PROKR1: variants seen among roughly 807,000 people sequenced by gnomAD.
The protein encoded by PROKR1 is prokineticin receptor 1.
A neutral mutation model predicts 22.8 loss-of-function variants in PROKR1; 21 were observed. The ratio of observed to expected loss-of-function variants is 0.92; its 90% CI spans 0.65 to 1.32. PROKR1 has a LOEUF of 1.32. Ranked by LOEUF, PROKR1 falls within the 40% of genes most tolerant of loss-of-function variation. The probability of loss-of-function intolerance (pLI) is 0.00; values close to 1 mark genes in which losing one functional copy is unlikely to be tolerated. For missense variants in PROKR1, 548 were observed against 514.2 expected, an observed-to-expected ratio of 1.07 and a Z score of -0.64; for synonymous variants, 193 against 207.5, an observed-to-expected ratio of 0.93 and a Z score of 0.60.
Position 68,646,417 on chromosome 2 carries a change from CT to C in PROKR1, c.485+112del, listed in dbSNP as rs1040196373. On this transcript the variant is annotated intron_variant, in intron 2 of 2. Coordinates refer to ENST00000303786, the MANE Select transcript of PROKR1 (RefSeq NM_138964.4). The stretch of plus-strand genomic sequence containing the variant: ...TTGATGAGAGGTGTCTCTATTCCCC[CT>C]AGATGTGGTTGCATGGGGGACTCAA... 85 of 1,478,756 alleles carry C rather than the reference CT, an allele frequency of 5.7e-5. No individual in the cohort carries two copies. The African/African-American group carries it at 1.0e-3, about 18-fold the overall frequency. The allele number at this position is 1,478,756 out of a possible 1,614,324, so 91.6% of individuals were successfully genotyped here. A position where few individuals can be genotyped will look rare whatever the true frequency, so the allele number is the denominator to read the frequency against.
rs781487823 is a variant in PROKR1 at position 68,655,559 on chromosome 2, T to C, written c.1165T>C (p.Cys389Arg). Reference protein sequence around the residue: ...IGMPATEEVDCIRLK With the variant: ...IGMPATEEVDRIRLK ...GATGCCTGCCACCGAAGAGGTGGAC[T>C]GCATCAGACTAAAATAACCCCCTGG... is the stretch of plus-strand genomic sequence containing the variant. Residue 389 changes from cysteine to arginine, a missense_variant, in exon 3 of 3, where the codon TGC becomes CGC. Physicochemically the swap from Cys to Arg is radical, Grantham distance 180. Coordinates refer to ENST00000303786, the MANE Select transcript of PROKR1 (RefSeq NM_138964.4). 4 of 1,614,064 alleles carry C rather than the reference T, an allele frequency of 2.5e-6. No individual in the cohort carries two copies. The highest frequency in any genetic ancestry group is 3.4e-6 in the Non-Finnish European group (4 of 1,179,990).
chr2:68,648,567 T>C (rs901439144), intron 2 of PROKR1, among the ~76,000 whole-genome samples: 18 of 152,200 alleles, frequency 1.2e-4, no homozygotes, highest in African/African-American at 4.3e-4. Flanking sequence ...GATGAATGGC[T>C]GCACCAATGC....
At chr2:68,650,914 G>A (rs1673301694) in intron 2 of PROKR1, among the ~76,000 whole-genome samples, 1 of 152,150 alleles carries the variant, frequency 6.6e-6, no homozygotes, top group African/African-American at 2.4e-5. Flanking sequence ...GTGTGGAAAA[G>A]CCTAGAGGTG....
chr2:68,653,618 A>G (rs913529123), intron 2 of PROKR1, among the ~76,000 whole-genome samples: 1 of 152,056 alleles, frequency 6.6e-6, no homozygotes, highest in Non-Finnish European at 1.5e-5. Context: ...TGACCAGTCA[A>G]TCCCCTCCCA....
In PROKR1 at chr2:68,656,331, G is replaced by A. The variant is rs1351652016; in HGVS notation, c.*755G>A. 1 of 152,818 alleles carries A rather than the reference G, an allele frequency of 6.5e-6. No homozygotes were observed. Among genetic ancestry groups the A allele is most frequent in the Non-Finnish European group, 1.5e-5 (1 of 68,564 alleles). The allele number at this position is 152,818 out of a possible 1,614,324, so 9.5% of individuals were successfully genotyped here. ...GGAAGCCTGGATTCAGGGTAAGCAT[G>A]TCCCCTGGCTCCATGGACTTTTTGC... On this transcript the variant is annotated 3_prime_UTR_variant, in exon 3 of 3. Transcript: ENST00000303786.
chr2:68,652,955 GGAATA>G (rs1187539729), intron 2 of PROKR1, among the ~76,000 whole-genome samples: 1 of 152,192 alleles, frequency 6.6e-6, no homozygotes, highest in Admixed American at 6.5e-5. Flanking sequence ...ATCGGGAAAA[GGAATA>G]GAATTATGTG....
Position 68,656,085 on chromosome 2 carries a change from C to G in PROKR1, c.*509C>G, listed in dbSNP as rs1205179339. 1 of 227,874 alleles carries G rather than the reference C, an allele frequency of 4.4e-6. No individual in the cohort carries two copies. Among genetic ancestry groups the G allele is most frequent in the African/African-American group, 2.3e-5 (1 of 43,234 alleles). 14.1% of individuals were successfully genotyped at this position (227,874 alleles called of 1,614,324 possible). On this transcript the variant is annotated 3_prime_UTR_variant, in exon 3 of 3. Coordinates refer to ENST00000303786, the MANE Select transcript of PROKR1 (RefSeq NM_138964.4). ...CCTCTCATCTTTCATGGCGAGGGGC[C>G]TTGCATGCATGTGCACGGACATCCC...
At chr2:68,653,843 TTGAA>T (rs1276392246) in intron 2 of PROKR1, among the ~76,000 whole-genome samples, 1 of 152,106 alleles carries the variant, frequency 6.6e-6, no homozygotes, top group Non-Finnish European at 1.5e-5. Flanking sequence ...GGGTTTTTTT[TTGAA>T]AGGACAAAAG....
rs769119228 is a variant in PROKR1 at position 68,646,296 on chromosome 2, G to A, written c.475G>A (p.Ala159Thr). Reference protein sequence around the residue: ...YVSTNALLAIAIDRYLAIVHP... With the variant: ...YVSTNALLAITIDRYLAIVHP... ...CTCCACCAATGCCCTGCTGGCCATC[G>A]CCATTGACAGGTGAGTGCAGCAGCA... is the stretch of plus-strand genomic sequence containing the variant. The change falls in exon 2 of 3, where the codon GCC becomes ACC. Residue 159 changes from alanine (A) to threonine (T), a missense_variant. Transcript: ENST00000303786. 20 of 1,614,054 alleles carry A rather than the reference G, an allele frequency of 1.2e-5. No homozygotes were observed. The highest frequency in any genetic ancestry group is 3.3e-5 in the Admixed American group (2 of 60,010).
chr2:68,652,515 A>C (rs1178315943), intron 2 of PROKR1, among the ~76,000 whole-genome samples: 2 of 152,328 alleles, frequency 1.3e-5, no homozygotes, highest in East Asian at 3.9e-4. Context: ...TGACTATCTG[A>C]TAGGTAGTCA....
chr2:68,655,538 C>A lies in PROKR1; in HGVS notation c.1144C>A (p.Pro382Thr). ...ADLDLKTIGM[P>T]ATEEVDCIRL... ...CCTGGACCTCAAGACAATTGGGATG[C>A]CTGCCACCGAAGAGGTGGACTGCAT... The change falls in exon 3 of 3, where the codon CCT becomes ACT. Residue 382 changes from proline to threonine, a missense_variant. Coordinates refer to ENST00000303786, the MANE Select transcript of PROKR1 (RefSeq NM_138964.4). 2.5e-6 allele frequency: 4 copies of A among 1,614,198 alleles called. No individual in the cohort carries two copies. The highest frequency in any genetic ancestry group is 3.4e-6 in the Non-Finnish European group (4 of 1,180,036).
intron 2 of PROKR1, among the ~76,000 whole-genome samples, chr2:68,648,162 C>T (rs185629112): frequency 1.3e-5 from 2 of 152,212 alleles, no homozygotes; most frequent in East Asian, 1.9e-4. Context: ...CCCTACTCCC[C>T]GGATGAGATC....
chr2:68,653,874 T>C (rs1216429764), intron 2 of PROKR1, among the ~76,000 whole-genome samples: 1 of 152,104 alleles, frequency 6.6e-6, no homozygotes, highest in Admixed American at 6.6e-5. Context: ...CTTTTTACTG[T>C]CTGGTGCTTT....
In PROKR1 at chr2:68,654,984, C is replaced by T; in HGVS notation, c.590C>T (p.Ser197Phe). 6.2e-7 allele frequency: 1 copy of T among 1,607,792 alleles called. No individual in the cohort carries two copies. Among genetic ancestry groups the T allele is most frequent in the Non-Finnish European group, 8.5e-7 (1 of 1,177,910 alleles). Residue 197 changes from serine to phenylalanine, a missense_variant, in exon 3 of 3, where the codon TCC becomes TTC. Coordinates refer to ENST00000303786, the MANE Select transcript of PROKR1 (RefSeq NM_138964.4). ...WTVSILIAIP[S>F]AYFTTETVLV... is the part of the protein sequence containing the mutation. ...GTGTCCATCCTGATCGCCATCCCTTCCGCCTACTTCACCACCGAGACGGTC... is the reference window on the plus strand; with the variant it reads ...GTGTCCATCCTGATCGCCATCCCTTTCGCCTACTTCACCACCGAGACGGTC...
intron 2 of PROKR1, among the ~76,000 whole-genome samples, chr2:68,652,825 A>G (rs1334293221): frequency 6.6e-6 from 1 of 152,188 alleles, no homozygotes; most frequent in African/African-American, 2.4e-5. Context: ...TCATAGAGCA[A>G]CTTTCTGGCA....
Position 68,646,160 on chromosome 2 carries a change from T to C in PROKR1, c.339T>C (p.Ile113=). 1.2e-6 allele frequency: 2 copies of C among 1,608,322 alleles called. No individual in the cohort carries two copies. Among genetic ancestry groups the C allele is most frequent in the Non-Finnish European group, 1.7e-6 (2 of 1,176,372 alleles). Residue 113 remains isoleucine (I), a synonymous_variant, in exon 2 of 3, where the codon ATT becomes ATC. Transcript: ENST00000303786. The part of the protein sequence containing the change: ...NLAISDFLVA[I]VCCPFEMDYY... ...CCATCTCTGACTTCCTGGTGGCCAT[T>C]GTCTGCTGCCCCTTTGAGATGGACT...
In PROKR1 at chr2:68,657,080, T is replaced by C. The variant is rs907849558; in HGVS notation, c.*1504T>C. The C allele has an allele frequency of 2.0e-5, 3 of 152,244 alleles. No homozygotes were observed. The highest frequency in any genetic ancestry group is 4.4e-5 in the Non-Finnish European group (3 of 68,074). 9.4% of individuals were successfully genotyped at this position (152,244 alleles called of 1,614,324 possible). A position where few individuals can be genotyped will look rare whatever the true frequency, so the allele number is the denominator to read the frequency against. On this transcript the variant is annotated 3_prime_UTR_variant, in exon 3 of 3. Transcript: ENST00000303786. ...GGAAGATCTGAGAGCCAGACTTGAC[T>C]CTGTCAACTGTGTAGCCCTGGGCAA...
In PROKR1 at chr2:68,655,447, G is replaced by C; in HGVS notation, c.1053G>C (p.Lys351Asn). Residue 351 changes from lysine (K) to asparagine (N), a missense_variant, in exon 3 of 3, where the codon AAG becomes AAC. Lys to Asn is a moderately conservative substitution (Grantham distance 94). Transcript: ENST00000303786. ...CFVTVKNDTV[K>N]YFKKIMLLHW... is the part of the protein sequence containing the mutation. Reference sequence around the variant, plus strand: ...TGACCGTCAAGAACGACACCGTCAAGTACTTCAAAAAGATCATGTTGCTCC... The same window carrying C: ...TGACCGTCAAGAACGACACCGTCAACTACTTCAAAAAGATCATGTTGCTCC... 6.2e-7 allele frequency: 1 copy of C among 1,614,152 alleles called. No homozygotes were observed. Among genetic ancestry groups the C allele is most frequent in the Non-Finnish European group, 8.5e-7 (1 of 1,179,962 alleles).
chr2:68,649,812 T>C (rs181322346), intron 2 of PROKR1, among the ~76,000 whole-genome samples: 140 of 151,556 alleles, frequency 9.2e-4, no homozygotes, highest in Middle Eastern at 3.4e-3. Context: ...ACAAGGGGGA[T>C]TGTAAGTGAA....
Sources: allele counts gnomAD v4.1 joint callset (sites outside exome capture counted in the v4.1 genomes callset), GRCh38; gene constraint gnomAD v4.1.1; transcripts MANE v1.5; gene names NCBI Gene and HGNC (gene_info 2026-07-23, HGNC 2026-07-21).